TMED3: variants seen among roughly 807,000 people sequenced by gnomAD.
TMED3 encodes transmembrane emp24 domain-containing protein 3.
A neutral mutation model predicts 15.0 loss-of-function variants in TMED3; 9 were observed. That is an observed-to-expected ratio of 0.60 (90% CI 0.36 to 1.04). The LOEUF (loss-of-function observed/expected upper bound fraction) is 1.04, where lower values mean the gene tolerates loss of function less well. TMED3 is among the 50% of genes least tolerant of loss of function. The pLI is 0.01. For missense variants in TMED3, 267 were observed against 278.9 expected, an observed-to-expected ratio of 0.96 and a Z score of 0.30; for synonymous variants, 117 against 121.4, an observed-to-expected ratio of 0.96 and a Z score of 0.24.
intron 1 of TMED3, among the ~76,000 whole-genome samples, chr15:79,311,639 G>A (rs1314572874): frequency 7.2e-5 from 11 of 152,176 alleles, no homozygotes; most frequent in Admixed American, 7.2e-4. Flanking sequence ...GGTAGTCAGC[G>A]CCGCAGGTGC....
chr15:79,361,337 C>G (rs1423243649), intron 2 of TMED3, among the ~76,000 whole-genome samples: 1 of 152,140 alleles, frequency 6.6e-6, no homozygotes, highest in Non-Finnish European at 1.5e-5. Context: ...TGAGGTAACT[C>G]AGGTAAAAGA....
chr15:79,331,523 A>ATAAAT (rs2058808311), intron 2 of TMED3, among the ~76,000 whole-genome samples: 12 of 149,450 alleles, frequency 8.0e-5, no homozygotes, highest in Non-Finnish European at 1.6e-4. Flanking sequence ...TAAGACCTCA[A>ATAAAT]AAGAACAGGC....
chr15:79,322,628 T>G lies in TMED3; in HGVS notation c.*414T>G, dbSNP rs1490931782. 9.1e-6 allele frequency: 9 copies of G among 993,778 alleles called. No homozygotes were observed. The highest frequency in any genetic ancestry group is 1.2e-6 in the Non-Finnish European group (1 of 836,040). 61.6% of individuals were successfully genotyped at this position (993,778 alleles called of 1,614,324 possible). A position where few individuals can be genotyped will look rare whatever the true frequency, so the allele number is the denominator to read the frequency against. ...TATCCCATATGGAGAAGAAAGGGGCTCTAAGTTCTGGCTCTTCTTTCTTTG... is the reference window on the plus strand; with the variant it reads ...TATCCCATATGGAGAAGAAAGGGGCGCTAAGTTCTGGCTCTTCTTTCTTTG... On this transcript the variant is annotated 3_prime_UTR_variant, in exon 3 of 3. Coordinates refer to ENST00000299705, the MANE Select transcript of TMED3 (RefSeq NM_007364.4).
chr15:79,398,072 T>G (rs1893784937), intron 2 of TMED3, among the ~76,000 whole-genome samples: 1 of 152,214 alleles, frequency 6.6e-6, no homozygotes, highest in Admixed American at 6.5e-5. Flanking sequence ...CATAATGACA[T>G]GTATCCGTCA....
chr15:79,323,327 CGTCT>C (rs1462245853), downstream of TMED3, among the ~76,000 whole-genome samples: 1 of 152,124 alleles, frequency 6.6e-6, no homozygotes, highest in Non-Finnish European at 1.5e-5. Context: ...AATCCTGCAC[CGTCT>C]GACAGGCGTT....
At chr15:79,329,737 C>T (rs1394097839) in intron 2 of TMED3, among the ~76,000 whole-genome samples, 1 of 152,200 alleles carries the variant, frequency 6.6e-6, no homozygotes, top group Non-Finnish European at 1.5e-5. Context: ...TTTCACCTGT[C>T]TACAGCCCCC....
At chr15:79,379,622 C>A (rs904777181) in intron 2 of TMED3, among the ~76,000 whole-genome samples, 3 of 152,068 alleles carry the variant, frequency 2.0e-5, no homozygotes, top group Admixed American at 2.0e-4. Context: ...GTATATGAGG[C>A]ATTTATTTGA....
intron 1 of TMED3, among the ~76,000 whole-genome samples, 164 bp from the exon 2 acceptor site, chr15:79,313,593 C>G (rs1411936797): frequency 3.9e-5 from 6 of 152,198 alleles, no homozygotes; most frequent in Non-Finnish European, 8.8e-5. Flanking sequence ...ATTTATTTAA[C>G]CTTGCTCAGC....
Position 79,313,839 on chromosome 15 carries a change from A to G in TMED3, c.251A>G (p.Gln84Arg). The change falls in exon 2 of 3, where the codon CAG becomes CGG. Residue 84 changes from glutamine (Q) to arginine (R), a missense_variant. Transcript: ENST00000299705. ...ACCATCTACAGAGAAACGAAGAAGC[A>G]GTACGACAGCTTCACGTACCGGGCT... The part of the protein sequence containing the change: ...GNTIYRETKK[Q>R]YDSFTYRAEV... 6.2e-7 allele frequency: 1 copy of G among 1,614,254 alleles called. No homozygotes were observed. The highest frequency in any genetic ancestry group is 8.5e-7 in the Non-Finnish European group (1 of 1,180,042).
At chr15:79,335,254 AAC>A (rs1274304151) in intron 2 of TMED3, among the ~76,000 whole-genome samples, 1 of 152,244 alleles carries the variant, frequency 6.6e-6, no homozygotes, top group Non-Finnish European at 1.5e-5. Context: ...CAAAATGATT[AAC>A]ACAGACAGAT....
At chr15:79,323,351 T>C (rs747125066), downstream of TMED3, among the ~76,000 whole-genome samples, 10 of 152,208 alleles carry the variant, frequency 6.6e-5, no homozygotes, top group South Asian at 2.1e-4. Flanking sequence ...TAATGCATTG[T>C]AGGAAAGGAA....
chr15:79,369,575 C>T (rs148438908), intron 2 of TMED3, among the ~76,000 whole-genome samples: 196 of 152,316 alleles, frequency 1.3e-3, no homozygotes, highest in East Asian at 3.5e-3. Flanking sequence ...ACTCTGCAAG[C>T]GGTAAGCAAC....
At chr15:79,334,013 C>G (rs983770576) in intron 2 of TMED3, among the ~76,000 whole-genome samples, 1 of 152,006 alleles carries the variant, frequency 6.6e-6, no homozygotes, top group East Asian at 1.9e-4. Context: ...CCTCACAGAC[C>G]ATAGCAAATT....
chr15:79,321,344 T>C (rs1468161090), intron 2 of TMED3, among the ~76,000 whole-genome samples: 2 of 152,252 alleles, frequency 1.3e-5, no homozygotes, highest in South Asian at 2.1e-4. Context: ...AAGAAAGTTA[T>C]GATGTAGTAT....
intron 2 of TMED3, among the ~76,000 whole-genome samples, chr15:79,390,475 T>C (rs1175761916): frequency 6.6e-6 from 1 of 152,178 alleles, no homozygotes; most frequent in Non-Finnish European, 1.5e-5. Flanking sequence ...TTTGATATGT[T>C]GTTGGATTCG....
chr15:79,328,568 T>C (rs556406319), intron 2 of TMED3, among the ~76,000 whole-genome samples: 2 of 152,232 alleles, frequency 1.3e-5, no homozygotes, highest in Admixed American at 1.3e-4. Flanking sequence ...TGGACAGACA[T>C]CTGGAAGCTG....
At position 79,322,642 on chromosome 15, in the gene TMED3, C is replaced by G. The variant is rs1201400754; in HGVS notation, c.*428C>G. The G allele has an allele frequency of 1.0e-6, 1 of 991,304 alleles. No individual in the cohort carries two copies. Among genetic ancestry groups the G allele is most frequent in the Non-Finnish European group, 1.2e-6 (1 of 834,280 alleles). The allele number at this position is 991,304 out of a possible 1,614,324, so 61.4% of individuals were successfully genotyped here. On this transcript the variant is annotated 3_prime_UTR_variant, in exon 3 of 3. Coordinates refer to ENST00000299705, the MANE Select transcript of TMED3 (RefSeq NM_007364.4). ...AAGAAAGGGGCTCTAAGTTCTGGCT[C>G]TTCTTTCTTTGGGGTTCTCTGTACC...
chr15:79,383,086 T>C, intron 2 of TMED3: 2 of 1,486,518 alleles, frequency 1.3e-6, no homozygotes, highest in Non-Finnish European at 9.1e-7. Context: ...GGGACATGGC[T>C]CTTTGCCTGT....
intron 1 of TMED3, among the ~76,000 whole-genome samples, chr15:79,312,738 C>G (rs1442260657): frequency 6.6e-6 from 1 of 152,204 alleles, no homozygotes; most frequent in Non-Finnish European, 1.5e-5. Flanking sequence ...CGCTGACACT[C>G]AGAAATTCCA....
Sources: gnomAD v4.1 joint callset for allele counts (sites outside exome capture counted in the v4.1 genomes callset) on GRCh38, gnomAD v4.1.1 for gene constraint, MANE v1.5 for transcripts, NCBI Gene and HGNC (gene_info 2026-07-23, HGNC 2026-07-21) for gene names.